GTF2E2: variants seen among roughly 807,000 people sequenced by gnomAD.
The protein encoded by GTF2E2 is transcription initiation factor IIE subunit beta.
GTF2E2 carries 21 observed loss-of-function variants against 40.5 expected under a neutral mutation model. The ratio of observed to expected loss-of-function variants is 0.52; its 90% CI spans 0.37 to 0.75. GTF2E2 has a LOEUF of 0.75. GTF2E2 is among the 30% of genes least tolerant of loss of function. The pLI, the probability that GTF2E2 is intolerant of heterozygous loss-of-function variation, is 0.00. For synonymous variants in GTF2E2, 117 were observed against 121.6 expected (o/e 0.96, Z 0.25); for missense variants, 298 against 338.4 (o/e 0.88, Z 0.94).
At chr8:30,620,424 T>C (rs181591512) in intron 3 of GTF2E2, among the ~76,000 whole-genome samples, 4 of 152,222 alleles carry the variant, frequency 2.6e-5, no homozygotes, top group African/African-American at 7.2e-5. Context: ...ATGAAGATGT[T>C]TGACACAGCA....
chr8:30,589,029 G>A (rs1042948291), intron 6 of GTF2E2, among the ~76,000 whole-genome samples: 6 of 152,056 alleles, frequency 3.9e-5, no homozygotes, highest in South Asian at 2.1e-4. Context: ...TGAGGGAGGC[G>A]GATCACGAGG....
chr8:30,641,082 T>C (rs1267492248), intron 2 of GTF2E2, among the ~76,000 whole-genome samples: 2 of 152,180 alleles, frequency 1.3e-5, no homozygotes, highest in Non-Finnish European at 2.9e-5. Flanking sequence ...TTACTAGAGC[T>C]CTACCACACT....
intron 3 of GTF2E2, among the ~76,000 whole-genome samples, chr8:30,618,985 C>T (rs553454648): frequency 1.3e-5 from 2 of 152,168 alleles, no homozygotes; most frequent in African/African-American, 4.8e-5. Context: ...GCCTTGTCAC[C>T]GGGCTAGAGT....
chr8:30,635,963 A>G (rs1486232460), intron 2 of GTF2E2, among the ~76,000 whole-genome samples: 1 of 152,170 alleles, frequency 6.6e-6, no homozygotes, highest in Non-Finnish European at 1.5e-5. Flanking sequence ...ATTAGGAATA[A>G]AAAGCCACAG....
At chr8:30,644,900 A>G (rs112419628) in intron 2 of GTF2E2, among the ~76,000 whole-genome samples, 1,689 of 152,004 alleles carry the variant, frequency 0.011, 34 homozygotes, top group African/African-American at 0.038. Flanking sequence ...ATAGGCACAC[A>G]CCACCATGCC....
At chr8:30,582,187 G>C (rs764600004) in intron 6 of GTF2E2, among the ~76,000 whole-genome samples, 12 of 151,882 alleles carry the variant, frequency 7.9e-5, no homozygotes, top group Non-Finnish European at 1.5e-4. Flanking sequence ...AGTTGTTTCT[G>C]GGGGGGTGGG....
At chr8:30,603,021 C>T (rs1250187930) in intron 6 of GTF2E2, among the ~76,000 whole-genome samples, 1 of 152,146 alleles carries the variant, frequency 6.6e-6, no homozygotes, top group Non-Finnish European at 1.5e-5. Flanking sequence ...TTATTTTCTT[C>T]CTAGCATTTC....
intron 3 of GTF2E2, among the ~76,000 whole-genome samples, chr8:30,615,833 A>G (rs1800904223): frequency 6.6e-6 from 1 of 152,146 alleles, no homozygotes; most frequent in Non-Finnish European, 1.5e-5. Flanking sequence ...TATTTACCCA[A>G]ATGAGCCAAA....
At chr8:30,598,774 A>G (rs138693740) in intron 6 of GTF2E2, among the ~76,000 whole-genome samples, 3 of 152,320 alleles carry the variant, frequency 2.0e-5, no homozygotes, top group Admixed American at 1.3e-4. Context: ...TTTTTAAAAC[A>G]TGTGGGGACA....
chr8:30,587,803 C>T (rs1042850654), intron 6 of GTF2E2, among the ~76,000 whole-genome samples: 4 of 142,984 alleles, frequency 2.8e-5, no homozygotes, highest in Non-Finnish European at 4.5e-5. Context: ...ACCCAAGATA[C>T]GGAGGTTGCA....
chr8:30,582,719 T>C (rs1226703337), intron 6 of GTF2E2, among the ~76,000 whole-genome samples: 1 of 152,232 alleles, frequency 6.6e-6, no homozygotes, highest in East Asian at 1.9e-4. Flanking sequence ...TATGCAATTC[T>C]GGCAAGAACA....
chr8:30,655,585 G>A (rs1054509396), intron 1 of GTF2E2, among the ~76,000 whole-genome samples: 14 of 152,180 alleles, frequency 9.2e-5, no homozygotes, highest in Admixed American at 2.0e-4. Flanking sequence ...GGTTTCACAA[G>A]CCTTTATTAA....
At chr8:30,584,244 C>A (rs1386586463) in intron 6 of GTF2E2, among the ~76,000 whole-genome samples, 2 of 150,582 alleles carry the variant, frequency 1.3e-5, no homozygotes, top group East Asian at 3.9e-4. Context: ...CACTTTCTGG[C>A]GGTACTAAAA....
At chr8:30,579,830 G>A (rs775605981) in intron 7 of GTF2E2, among the ~76,000 whole-genome samples, 1 of 152,112 alleles carries the variant, frequency 6.6e-6, no homozygotes, top group Non-Finnish European at 1.5e-5. Context: ...GAGACTATAC[G>A]GACAAAAATA....
chr8:30,647,505 T>G (rs1356026663), intron 2 of GTF2E2, among the ~76,000 whole-genome samples: 2 of 152,042 alleles, frequency 1.3e-5, no homozygotes, highest in Non-Finnish European at 2.9e-5. Context: ...CACTTGAACC[T>G]GGGAGGCAGA....
Position 30,636,085 on chromosome 8 carries a change from AC to A in GTF2E2, c.167-963del, listed in dbSNP as rs137930662. Among the ~76,000 whole-genome samples the A allele has an allele frequency of 6.0e-3, 920 of 152,300 alleles. 7 individuals are homozygous for A. Among genetic ancestry groups the A allele is most frequent in the African/African-American group, 0.021 (866 of 41,568 alleles). The stretch of plus-strand genomic sequence containing the variant: ...CTCTATCTGGTGTGGAAAACCCTGT[AC>A]AAAAGATCATTTGTTTCAAAATATC... On this transcript the variant is annotated intron_variant, in intron 2 of 7. Coordinates refer to ENST00000355904, the MANE Select transcript of GTF2E2 (RefSeq NM_002095.6).
At chr8:30,652,612 T>C (rs1006454892) in intron 2 of GTF2E2, among the ~76,000 whole-genome samples, 4 of 151,980 alleles carry the variant, frequency 2.6e-5, no homozygotes, top group Admixed American at 6.6e-5. Context: ...CCCTGATACA[T>C]TGCTGGAGGA....
chr8:30,657,377 T>C (rs955512250), intron 1 of GTF2E2, among the ~76,000 whole-genome samples: 8 of 152,140 alleles, frequency 5.3e-5, no homozygotes, highest in Non-Finnish European at 4.4e-5. Flanking sequence ...TCGACCTCTT[T>C]CAACCTTACT....
intron 5 of GTF2E2, among the ~76,000 whole-genome samples, chr8:30,612,067 A>G (rs996244421): frequency 6.6e-6 from 1 of 152,228 alleles, no homozygotes; most frequent in African/African-American, 2.4e-5. Flanking sequence ...CTGAACAATC[A>G]AACAATCATA....
Sources: allele counts gnomAD v4.1 joint callset (sites outside exome capture counted in the v4.1 genomes callset), GRCh38; gene constraint gnomAD v4.1.1; transcripts MANE v1.5; gene names NCBI Gene and HGNC (gene_info 2026-07-23, HGNC 2026-07-21).